The following DPYSL2 variants were observed in gnomAD, a reference collection of about 807,000 sequenced individuals.
DPYSL2 encodes dihydropyrimidinase like 2, also known as dihydropyrimidinase-related protein 2.
DPYSL2 carries 13 observed loss-of-function variants against 69.9 expected under a neutral mutation model. The observed-to-expected ratio is 0.19, with a 90% confidence interval of 0.12 to 0.30. DPYSL2 has a LOEUF of 0.30. Among genes scored for constraint, DPYSL2 ranks in the 10% least tolerant of loss-of-function variants. The pLI is 1.00. For synonymous variants in DPYSL2, 326 were observed against 359.1 expected, an observed-to-expected ratio of 0.91 and a Z score of 1.04; for missense variants, 587 against 918.9, an observed-to-expected ratio of 0.64 and a Z score of 4.67.
At chr8:26,568,736 C>T (rs1271964494) in intron 1 of DPYSL2, among the ~76,000 whole-genome samples, 4 of 94,440 alleles carry the variant, frequency 4.2e-5, no homozygotes, top group Admixed American at 2.2e-4. Context: ...TTTACACTTT[C>T]AGAGTTCATA....
At position 26,643,046 on chromosome 8, in the gene DPYSL2, T is replaced by G; in HGVS notation, c.1127-393T>G. 5.9e-6 allele frequency: 1 copy of G among 170,720 alleles called. No individual in the cohort carries two copies. Among genetic ancestry groups the G allele is most frequent in the Non-Finnish European group, 1.2e-5 (1 of 80,060 alleles). The allele number at this position is 170,720 out of a possible 1,614,324, so 10.6% of individuals were successfully genotyped here. On this transcript the variant is annotated intron_variant, in intron 8 of 13. Transcript: ENST00000521913. This position sits in a 1 kb window ranked among gnomAD's most constrained non-coding sequence, Gnocchi z 6.5. ...AAGATTGTGTGAATGAACAGGAAGG[T>G]TAAATTTGAGGTGCCATAGGCCATG...
At chr8:26,623,987 A>T in intron 3 of DPYSL2, 156 bp from the exon 4 acceptor site, 1 of 744,496 alleles carries the variant, frequency 1.3e-6, no homozygotes, top group Non-Finnish European at 2.2e-6. Context: ...TTGGATAATC[A>T]GCTGGGTTAC....
chr8:26,524,627 G>A lies in DPYSL2; in HGVS notation c.354+9948G>A, dbSNP rs143913861. Among the ~76,000 whole-genome samples the A allele has an allele frequency of 1.5e-3, 226 of 151,732 alleles. 2 individuals are homozygous for A. Among genetic ancestry groups the A allele is most frequent in the African/African-American group, 4.2e-3 (173 of 41,376 alleles). On this transcript the variant is annotated intron_variant, in intron 1 of 13. Coordinates refer to ENST00000521913, the MANE Select transcript of DPYSL2 (RefSeq NM_001197293.3). Reference sequence around the variant, plus strand: ...AGCCTGGCCAACGTGGCAAAATCCCGTCTCTACTAAACATACAAAAATTAG... The same window carrying A: ...AGCCTGGCCAACGTGGCAAAATCCCATCTCTACTAAACATACAAAAATTAG...
chr8:26,522,461 C>A (rs1808403790), intron 1 of DPYSL2, among the ~76,000 whole-genome samples: 1 of 152,234 alleles, frequency 6.6e-6, no homozygotes, highest in Admixed American at 6.5e-5. Context: ...TTTTGCGTTG[C>A]CACCAGCAAC....
intron 1 of DPYSL2, chr8:26,578,323 C>T: frequency 2.5e-6 from 4 of 1,613,868 alleles, no homozygotes; most frequent in East Asian, 2.2e-5. Context: ...AATCTGCGGT[C>T]GGCCAGCCAC....
rs369065997 is a variant in DPYSL2 at position 26,571,822 on chromosome 8, A to G, written c.355-10147A>G. 1.3e-4 allele frequency among the ~76,000 whole-genome samples: 20 copies of G among 152,174 alleles called. No homozygotes were observed. In the East Asian group the frequency reaches 3.9e-3, roughly 29 times the overall value. On this transcript the variant is annotated intron_variant, in intron 1 of 13. Coordinates refer to ENST00000521913, the MANE Select transcript of DPYSL2 (RefSeq NM_001197293.3). This position sits in a 1 kb window ranked among gnomAD's most constrained non-coding sequence, Gnocchi z 6.1. ...ACTGCTGCTAAAAGGATGCAGCCAC[A>G]GGGGAAGGCAGTGGGCAGGTTCCGA...
At position 26,647,800 on chromosome 8, in the gene DPYSL2, C is replaced by T. The variant is rs776276751; in HGVS notation, c.1596C>T (p.Ser532=). 8.1e-6 allele frequency: 13 copies of T among 1,611,472 alleles called. No individual in the cohort carries two copies. The highest frequency in any genetic ancestry group is 4.4e-5 in the South Asian group (4 of 90,642). ...CCATCTCTGCCAAGACACACAACAG[C>T]GTAAGACCTGTTAACTGTGCAGACC... The part of the protein sequence containing the change: ...VKTISAKTHN[S]SLEYNIFEGM... The change falls in exon 11 of 14, where the codon AGC becomes AGT. Residue 532 remains serine, a splice_region_variant and synonymous_variant. Coordinates refer to ENST00000521913, the MANE Select transcript of DPYSL2 (RefSeq NM_001197293.3). This position sits in a 1 kb window ranked among gnomAD's most constrained non-coding sequence, Gnocchi z 5.1.
At chr8:26,536,497 G>A (rs753281376) in intron 1 of DPYSL2, among the ~76,000 whole-genome samples, 3 of 151,798 alleles carry the variant, frequency 2.0e-5, no homozygotes, top group Non-Finnish European at 4.4e-5. Flanking sequence ...ATGGTGAAAC[G>A]CCGTCTCTAC....
At chr8:26,518,891 G>A (rs376730013) in intron 1 of DPYSL2, among the ~76,000 whole-genome samples, 6 of 152,126 alleles carry the variant, frequency 3.9e-5, no homozygotes, top group African/African-American at 1.4e-4. Flanking sequence ...ATTAATTGTG[G>A]CAGGAAATAA....
At chr8:26,573,471 A>G (rs1017566492) in intron 1 of DPYSL2, among the ~76,000 whole-genome samples, 2 of 152,004 alleles carry the variant, frequency 1.3e-5, no homozygotes, top group African/African-American at 4.8e-5. Context: ...GATCGAGACC[A>G]TCCTGGCAAA....
rs1802433192 is a variant in DPYSL2, at chr8:26,619,490, G to A, written c.629-4653G>A. ...CCAGGGAACATGCTATTTTTTGTAA[G>A]TGATGATGCTGTTGTGTAGTAAACA... On this transcript the variant is annotated intron_variant, in intron 3 of 13. Coordinates refer to ENST00000521913, the MANE Select transcript of DPYSL2 (RefSeq NM_001197293.3). This position sits in a 1 kb window ranked among gnomAD's most constrained non-coding sequence, Gnocchi z 4.8. The A allele has an allele frequency of 6.6e-6, 1 of 152,212 alleles. No homozygotes were observed. The highest frequency in any genetic ancestry group is 2.4e-5 in the African/African-American group (1 of 41,442). The allele number at this position is 152,212 out of a possible 1,614,324, so 9.4% of individuals were successfully genotyped here.
chr8:26,571,572 A>G lies in DPYSL2; in HGVS notation c.355-10397A>G, dbSNP rs1386734961. On this transcript the variant is annotated intron_variant, in intron 1 of 13. Coordinates refer to ENST00000521913, the MANE Select transcript of DPYSL2 (RefSeq NM_001197293.3). The surrounding 1 kb of genome is among the most constrained non-coding windows in gnomAD (Gnocchi z 6.1). ...GGAGGTGTGTGCGCTAACTGGGGAT[A>G]AGAGAAAGCCCGAGTCGACTAGATT... Among the ~76,000 whole-genome samples the G allele has an allele frequency of 6.6e-6, 1 of 152,174 alleles. No individual in the cohort carries two copies. Among genetic ancestry groups the G allele is most frequent in the Admixed American group, 6.5e-5 (1 of 15,282 alleles).
chr8:26,544,023 A>C (rs1410604724), intron 1 of DPYSL2, among the ~76,000 whole-genome samples: 1 of 144,298 alleles, frequency 6.9e-6, no homozygotes, highest in Admixed American at 6.9e-5. Flanking sequence ...GGACAGATAT[A>C]AGCATCTATA....
intron 7 of DPYSL2, among the ~76,000 whole-genome samples, chr8:26,634,034 G>A (rs963882042): frequency 6.6e-6 from 1 of 152,228 alleles, no homozygotes; most frequent in Non-Finnish European, 1.5e-5. Context: ...AAGACCCTGG[G>A]AGCAGAATGA....
chr8:26,644,294 A>G lies in DPYSL2; in HGVS notation c.1425+203A>G, dbSNP rs1262808196. On this transcript the variant is annotated intron_variant, in intron 10 of 13. Transcript: ENST00000521913. The surrounding 1 kb of genome is among the most constrained non-coding windows in gnomAD (Gnocchi z 4.5). ...ATTTCTTCCTAAATATTACATATAT[A>G]TTTCTTTTTAAAACAATTTTTAAAT... Among the ~76,000 whole-genome samples the G allele has an allele frequency of 6.6e-6, 1 of 151,906 alleles. No homozygotes were observed. The highest frequency in any genetic ancestry group is 2.4e-5 in the African/African-American group (1 of 41,410).
intron 1 of DPYSL2, among the ~76,000 whole-genome samples, chr8:26,561,655 C>G (rs1321681000): frequency 6.6e-6 from 1 of 152,110 alleles, no homozygotes; most frequent in Non-Finnish European, 1.5e-5. Flanking sequence ...CATAGAAGAC[C>G]ATTCTTCCAT....
rs535748149 is a variant in DPYSL2 at position 26,641,864 on chromosome 8, C to T, written c.1127-1575C>T. Among the ~76,000 whole-genome samples, 1 of 152,302 alleles carries T rather than the reference C, an allele frequency of 6.6e-6. No homozygotes were observed. Among genetic ancestry groups the T allele is most frequent in the East Asian group, 1.9e-4 (1 of 5,184 alleles). ...CGAGTCCTTTGTGAAATTCCTGAGG[C>T]AGGAGGGGGCAGCTGTGCAGAGCCA... On this transcript the variant is annotated intron_variant, in intron 8 of 13. Transcript: ENST00000521913. The surrounding 1 kb of genome is among the most constrained non-coding windows in gnomAD (Gnocchi z 4.1).
intron 3 of DPYSL2, among the ~76,000 whole-genome samples, chr8:26,608,757 A>G (rs560657350): frequency 1.5e-4 from 23 of 152,334 alleles, no homozygotes; most frequent in African/African-American, 5.3e-4. Flanking sequence ...TGATGGTACA[A>G]TGGCCGTGGT....
rs1258012838 is a variant in DPYSL2 at position 26,650,487 on chromosome 8, C to T, written c.1597-1770C>T. 6.6e-6 allele frequency among the ~76,000 whole-genome samples: 1 copy of T among 152,206 alleles called. No homozygotes were observed. The highest frequency in any genetic ancestry group is 2.4e-5 in the African/African-American group (1 of 41,442). On this transcript the variant is annotated intron_variant, in intron 11 of 13. Transcript: ENST00000521913. This position sits in a 1 kb window ranked among gnomAD's most constrained non-coding sequence, Gnocchi z 5.3. ...GAGGCTTTTTGTATTGTCATCTTCA[C>T]ATACACCTCGGGAGGGTGCAGATGA...
Sources: allele counts gnomAD v4.1 joint callset (sites outside exome capture counted in the v4.1 genomes callset), GRCh38; gene constraint gnomAD v4.1.1; non-coding constraint Gnocchi (gnomAD v3.1); transcripts MANE v1.5; gene names NCBI Gene and HGNC (gene_info 2026-07-23, HGNC 2026-07-21).